The following CIMAP3 variants were observed in gnomAD, a reference collection of about 807,000 sequenced individuals.
CIMAP3 encodes ciliary microtubule associated protein 3.
the CIMAP3 span, among the ~76,000 whole-genome samples, chr1:111,350,763 T>C: frequency 6.6e-6 from 1 of 152,232 alleles, no homozygotes; most frequent in Admixed American, 6.5e-5. Flanking sequence ...GTAAAATGGG[T>C]ATTAAAATAG....
chr1:111,347,812 T>C, the CIMAP3 span: 2 of 1,452,798 alleles, frequency 1.4e-6, no homozygotes, highest in Non-Finnish European at 1.9e-6. Context: ...CGTTGTTGCA[T>C]GCATTTGCAC....
the CIMAP3 span, among the ~76,000 whole-genome samples, chr1:111,331,603 T>C: frequency 1.3e-4 from 20 of 152,164 alleles, no homozygotes; most frequent in African/African-American, 4.6e-4. Context: ...CTGTTTTCCT[T>C]ATTTCATTGA....
At chr1:111,325,635 C>T in the CIMAP3 span, among the ~76,000 whole-genome samples, 1,526 of 152,068 alleles carry the variant, frequency 0.01, 6 homozygotes, top group Non-Finnish European at 0.016. Flanking sequence ...TCACAAACAA[C>T]TTGGTATAAT....
the CIMAP3 span, among the ~76,000 whole-genome samples, chr1:111,338,485 T>G: frequency 1.3e-3 from 154 of 119,654 alleles, 1 homozygote; most frequent in African/African-American, 4.3e-3. Flanking sequence ...AGAATAATCA[T>G]AATCAAATAG....
At chr1:111,338,248 A>G in the CIMAP3 span, among the ~76,000 whole-genome samples, 1 of 152,180 alleles carries the variant, frequency 6.6e-6, no homozygotes, top group African/African-American at 2.4e-5. Flanking sequence ...AAAGAAGGAA[A>G]CATCCAAAAT....
chr1:111,350,207 G>C, the CIMAP3 span: 17 of 1,611,640 alleles, frequency 1.1e-5, no homozygotes, highest in Non-Finnish European at 1.4e-5. Context: ...CTACAGAAAA[G>C]AACCCTAAAA....
chr1:111,327,805 C>T, the CIMAP3 span, among the ~76,000 whole-genome samples: 1 of 150,172 alleles, frequency 6.7e-6, no homozygotes, highest in African/African-American at 2.4e-5. Context: ...AAAGCCAACT[C>T]CTGGATTCAC....
At chr1:111,335,744 C>G in the CIMAP3 span, among the ~76,000 whole-genome samples, 10 of 152,246 alleles carry the variant, frequency 6.6e-5, no homozygotes, top group Admixed American at 1.3e-4. Flanking sequence ...GGCCTGCCTG[C>G]CTCTGTAGGC....
At chr1:111,339,882 G>C in the CIMAP3 span, among the ~76,000 whole-genome samples, 1 of 151,670 alleles carries the variant, frequency 6.6e-6, no homozygotes, top group Non-Finnish European at 1.5e-5. Flanking sequence ...AACCAAAAAA[G>C]AGCCCGCATC....
the CIMAP3 span, among the ~76,000 whole-genome samples, chr1:111,344,578 T>C: frequency 3.9e-5 from 6 of 152,236 alleles, no homozygotes; most frequent in Non-Finnish European, 5.9e-5. Context: ...TTCAAACATA[T>C]ATATTTTACT....
At chr1:111,340,015 T>G in the CIMAP3 span, among the ~76,000 whole-genome samples, 3 of 151,466 alleles carry the variant, frequency 2.0e-5, no homozygotes, top group African/African-American at 4.9e-5. Context: ...GAGATACAGA[T>G]CAATGGAACA....
At chr1:111,339,459 T>C in the CIMAP3 span, among the ~76,000 whole-genome samples, 6 of 150,206 alleles carry the variant, frequency 4.0e-5, no homozygotes, top group African/African-American at 1.2e-4. Context: ...GAAAACCCCA[T>C]TGTCTCAGCC....
chr1:111,345,570 C>A, the CIMAP3 span, among the ~76,000 whole-genome samples: 1 of 152,182 alleles, frequency 6.6e-6, no homozygotes, highest in Non-Finnish European at 1.5e-5. Flanking sequence ...CCAAAACACC[C>A]TCTGGGAGTC....
At chr1:111,346,389 C>T in the CIMAP3 span, 14 of 449,044 alleles carry the variant, frequency 3.1e-5, no homozygotes, top group South Asian at 3.0e-5. Context: ...AGCTATTTGC[C>T]GCCCCGTCAA....
At chr1:111,346,685 C>G in the CIMAP3 span, 1 of 1,612,756 alleles carries the variant, frequency 6.2e-7, no homozygotes, top group South Asian at 1.1e-5. Flanking sequence ...AGGAGGGCTG[C>G]CGAGAAGCCT....
At chr1:111,345,864 T>C in the CIMAP3 span, among the ~76,000 whole-genome samples, 3 of 152,192 alleles carry the variant, frequency 2.0e-5, no homozygotes, top group Admixed American at 2.0e-4. Context: ...TCAGTGATAA[T>C]AACCTGTCGT....
At chr1:111,347,634 T>TTTTTTTG in the CIMAP3 span, 1 of 1,212,016 alleles carries the variant, frequency 8.3e-7, no homozygotes, top group Non-Finnish European at 1.2e-6. Context: ...TTTTTTTTTT[T>TTTTTTTG]TTTGGTGTTT....
the CIMAP3 span, among the ~76,000 whole-genome samples, chr1:111,341,498 A>G: frequency 0.016 from 2,363 of 152,284 alleles, 32 homozygotes; most frequent in Non-Finnish European, 0.025. Flanking sequence ...ATACGGGCCC[A>G]CCAAATCTTG....
chr1:111,348,477 T>C, the CIMAP3 span: 1 of 1,546,132 alleles, frequency 6.5e-7, no homozygotes, highest in Non-Finnish European at 8.7e-7. Context: ...TATATATACA[T>C]ATCACTCTGT....
Sources: allele counts gnomAD v4.1 joint callset (sites outside exome capture counted in the v4.1 genomes callset), GRCh38; gene constraint gnomAD v4.1.1; transcripts MANE v1.5; gene names NCBI Gene and HGNC (gene_info 2026-07-23, HGNC 2026-07-21).